CACNA1C: variants seen among roughly 807,000 people sequenced by gnomAD.
CACNA1C encodes the protein calcium voltage-gated channel subunit alpha1 C.
A neutral mutation model predicts 229.0 loss-of-function variants in CACNA1C; 30 were observed. The observed-to-expected ratio is 0.13, with a 90% CI of 0.10 to 0.18. The LOEUF is 0.18. Ranked by LOEUF, CACNA1C falls within the 10% of genes least tolerant of loss-of-function variation. The pLI is 1.00. For synonymous variants in CACNA1C, 1,114 were observed against 1,132.5 expected (o/e 0.98, Z 0.33); for missense variants, 1,658 against 2,845.0 (o/e 0.58, Z 9.49).
intron 3 of CACNA1C, among the ~76,000 whole-genome samples, chr12:2,431,290 G>C (rs1000868404): frequency 8.5e-5 from 13 of 152,152 alleles, no homozygotes; most frequent in Admixed American, 3.3e-4. Flanking sequence ...ACCGAAGTTT[G>C]GGATCCACTC....
Position 2,467,376 on chromosome 12 carries a change from G to A in CACNA1C, c.757+9670G>A, listed in dbSNP as rs2099561456. 6.6e-6 allele frequency among the ~76,000 whole-genome samples: 1 copy of A among 152,194 alleles called. No homozygotes were observed. Among genetic ancestry groups the A allele is most frequent in the Non-Finnish European group, 1.5e-5 (1 of 68,030 alleles). On this transcript the variant is annotated intron_variant, in intron 5 of 46. Transcript: ENST00000399655. This position sits in a 1 kb window ranked among gnomAD's most constrained non-coding sequence, Gnocchi z 4.6. Reference sequence around the variant, plus strand: ...CACAGAGTGACCTGGTGGCAGGTGGGCAGGACCCTTGCTTCCTGCACGGTC... The same window carrying A: ...CACAGAGTGACCTGGTGGCAGGTGGACAGGACCCTTGCTTCCTGCACGGTC...
At chr12:2,446,576 T>C (rs2099288392) in intron 3 of CACNA1C, among the ~76,000 whole-genome samples, 1 of 148,110 alleles carries the variant, frequency 6.8e-6, no homozygotes, top group African/African-American at 2.5e-5. Context: ...GGTGGGTGAA[T>C]GGATGGATGG....
Position 2,467,723 on chromosome 12 carries a change from C to T in CACNA1C, c.757+10017C>T, listed in dbSNP as rs2099568014. Among the ~76,000 whole-genome samples the T allele has an allele frequency of 6.6e-6, 1 of 152,186 alleles. No individual in the cohort carries two copies. Among genetic ancestry groups the T allele is most frequent in the African/African-American group, 2.4e-5 (1 of 41,458 alleles). On this transcript the variant is annotated intron_variant, in intron 5 of 46. Coordinates refer to ENST00000399655, the MANE Select transcript of CACNA1C (RefSeq NM_000719.7). This position sits in a 1 kb window ranked among gnomAD's most constrained non-coding sequence, Gnocchi z 4.6. ...AGGCCCACCCTCTCCCCCGGTGTCT[C>T]CTGATCTCCCAGTGTGGACGGTCTT...
intron 3 of CACNA1C, among the ~76,000 whole-genome samples, chr12:2,154,016 T>G (rs2095425614): frequency 6.6e-6 from 1 of 151,620 alleles, no homozygotes. Context: ...TCTTTAAAAT[T>G]CAAGAAAAAA....
intron 3 of CACNA1C, among the ~76,000 whole-genome samples, chr12:2,226,308 T>C (rs566046069): frequency 6.6e-6 from 1 of 152,310 alleles, no homozygotes; most frequent in African/African-American, 2.4e-5. Context: ...GCTGTCAAGG[T>C]AGGTGAGACT....
intron 46 of CACNA1C, 61 bp downstream of exon 46, chr12:2,688,840 C>A: frequency 1.5e-6 from 2 of 1,327,658 alleles, no homozygotes; most frequent in Admixed American, 2.8e-5. Flanking sequence ...ACTTGGCATG[C>A]GGGGCTGAGA....
chr12:2,499,895 G>A (rs1422322614), intron 7 of CACNA1C, among the ~76,000 whole-genome samples: 3 of 152,018 alleles, frequency 2.0e-5, no homozygotes, highest in East Asian at 1.9e-4. Context: ...TCCAGGCATC[G>A]CCCTACTTCA....
chr12:2,509,981 C>G (rs1395610691), intron 8 of CACNA1C, among the ~76,000 whole-genome samples: 1 of 152,216 alleles, frequency 6.6e-6, no homozygotes, highest in Non-Finnish European at 1.5e-5. Flanking sequence ...TATCGATGAT[C>G]AAAGGGCCTA....
intron 3 of CACNA1C, among the ~76,000 whole-genome samples, chr12:2,423,230 A>G (rs1372268669): frequency 6.6e-6 from 1 of 152,086 alleles, no homozygotes; most frequent in African/African-American, 2.4e-5. Flanking sequence ...TAGTATTCTC[A>G]TGGTGCGTTT....
At chr12:2,359,375 A>C (rs1237342162) in intron 3 of CACNA1C, among the ~76,000 whole-genome samples, 3 of 152,118 alleles carry the variant, frequency 2.0e-5, no homozygotes, top group African/African-American at 7.2e-5. Flanking sequence ...GCATCCAGAA[A>C]ACTTTTGGGG....
intron 34 of CACNA1C, among the ~76,000 whole-genome samples, chr12:2,658,353 A>G (rs1369486415): frequency 6.6e-6 from 1 of 152,230 alleles, no homozygotes; most frequent in Non-Finnish European, 1.5e-5. Context: ...ATCTACAGTC[A>G]TGCACCACAT....
intron 1 of CACNA1C, among the ~76,000 whole-genome samples, chr12:1,999,789 G>T (rs2041766292): frequency 6.6e-6 from 1 of 152,112 alleles, no homozygotes; most frequent in African/African-American, 2.4e-5. Flanking sequence ...TAACATAAAA[G>T]CATAGGTAAG....
chr12:2,150,795 A>G (rs1267828536), intron 3 of CACNA1C, among the ~76,000 whole-genome samples: 4 of 152,200 alleles, frequency 2.6e-5, no homozygotes, highest in African/African-American at 9.7e-5. Context: ...AGATGGAGAA[A>G]CTGTCTCTAC....
chr12:2,335,438 T>TA (rs56955362), intron 3 of CACNA1C, among the ~76,000 whole-genome samples: 2,247 of 146,538 alleles, frequency 0.015, 21 homozygotes, highest in Non-Finnish European at 0.023. Flanking sequence ...GCATATTAGT[T>TA]AAAAAAAAAA....
At chr12:1,986,294 T>A (rs190794374) in intron 1 of CACNA1C, among the ~76,000 whole-genome samples, 7 of 152,212 alleles carry the variant, frequency 4.6e-5, no homozygotes, top group African/African-American at 1.7e-4. Flanking sequence ...AATTAGGAGA[T>A]CTCCTCATCC....
At chr12:2,434,799 G>A (rs1176603212) in intron 3 of CACNA1C, among the ~76,000 whole-genome samples, 4 of 152,168 alleles carry the variant, frequency 2.6e-5, no homozygotes, top group African/African-American at 9.7e-5. Context: ...TTCTCACTCT[G>A]TCTTTTCTCT....
intron 1 of CACNA1C, among the ~76,000 whole-genome samples, chr12:2,058,504 CTG>C (rs2056160322): frequency 6.6e-6 from 1 of 152,080 alleles, no homozygotes; most frequent in Middle Eastern, 3.4e-3. Context: ...ATGTTGGGCA[CTG>C]TGGAGGAGAA....
chr12:2,331,159 C>T (rs866623568), intron 3 of CACNA1C, among the ~76,000 whole-genome samples: 1 of 152,036 alleles, frequency 6.6e-6, no homozygotes, highest in Non-Finnish European at 1.5e-5. Flanking sequence ...AGTGTTCAAC[C>T]TCAGCAATAA....
chr12:2,450,377 A>AT (rs2099352542), intron 4 of CACNA1C, among the ~76,000 whole-genome samples: 1 of 151,500 alleles, frequency 6.6e-6, no homozygotes, highest in African/African-American at 2.4e-5. Flanking sequence ...ACACGGTGAA[A>AT]CCCCGTCTCT....
Sources: gnomAD v4.1 joint callset for allele counts (sites outside exome capture counted in the v4.1 genomes callset) on GRCh38, gnomAD v4.1.1 for gene constraint, Gnocchi (gnomAD v3.1) non-coding constraint, MANE v1.5 for transcripts, NCBI Gene and HGNC (gene_info 2026-07-23, HGNC 2026-07-21) for gene names.